The following WBP1L variants were observed in gnomAD, a reference collection of about 807,000 sequenced individuals.
WBP1L encodes WW domain binding protein 1 like.
Under a neutral mutation model 33.7 loss-of-function variants are expected in WBP1L, and 17 were observed. The observed-to-expected ratio is 0.50, with a 90% CI of 0.34 to 0.76. The LOEUF (loss-of-function observed/expected upper bound fraction) is 0.76, where lower values mean the gene tolerates loss of function less well. Among genes scored for constraint, WBP1L ranks in the 30% least tolerant of loss-of-function variants. The pLI is 0.01. For synonymous variants in WBP1L, 173 were observed against 190.8 expected (o/e 0.91, Z 0.77); for missense variants, 389 against 469.4 (o/e 0.83, Z 1.58).
chr10:102,773,677 CAA>C (rs1843219476), intron 1 of WBP1L, among the ~76,000 whole-genome samples: 1 of 151,622 alleles, frequency 6.6e-6, no homozygotes. Context: ...CACTTGAGGA[CAA>C]GAGTTCAAGC....
intron 1 of WBP1L, chr10:102,776,212 G>C: frequency 6.7e-7 from 1 of 1,501,894 alleles, no homozygotes; most frequent in Non-Finnish European, 8.9e-7. Context: ...AGCGAGGAGA[G>C]CAGGAGACAG....
chr10:102,813,299 C>T lies in WBP1L; in HGVS notation c.1060C>T (p.Pro354Ser), dbSNP rs748039085. ...GAACACCATCAACGAGCAGGACTCT[C>T]CCAACTCCCAGAGCAGCAGCTCCCC... ...LLNTINEQDS[P>S]NSQSSSSPS Residue 354 changes from proline (P) to serine (S), a missense_variant, in exon 4 of 4, where the codon CCC (proline) becomes TCC (serine). Physicochemically the swap from Pro to Ser is moderately conservative, Grantham distance 74 (BLOSUM62 -1). Coordinates refer to ENST00000448841, the MANE Select transcript of WBP1L (RefSeq NM_001083913.2). 9 of 1,611,278 alleles carry T rather than the reference C, an allele frequency of 5.6e-6. No homozygotes were observed. In the South Asian group the frequency reaches 8.8e-5, roughly 16 times the overall value.
At chr10:102,792,651 A>G (rs1448151659) in intron 1 of WBP1L, among the ~76,000 whole-genome samples, 1 of 139,682 alleles carries the variant, frequency 7.2e-6, no homozygotes, top group African/African-American at 2.7e-5. Context: ...CTGGCGTGCA[A>G]TGGTGCGATC....
chr10:102,810,727 C>T (rs1245611382), intron 3 of WBP1L, among the ~76,000 whole-genome samples: 1 of 151,776 alleles, frequency 6.6e-6, no homozygotes, highest in Non-Finnish European at 1.5e-5. Context: ...CCACCACACC[C>T]AGCTAATTTT....
chr10:102,811,605 G>T (rs928771193), intron 3 of WBP1L, among the ~76,000 whole-genome samples: 1 of 152,126 alleles, frequency 6.6e-6, no homozygotes, highest in African/African-American at 2.4e-5. Flanking sequence ...CCTCCTCTGG[G>T]GTTCAAGTGA....
At chr10:102,812,408 C>G (rs1843856208) in intron 3 of WBP1L, among the ~76,000 whole-genome samples, 187 bp from the exon 4 acceptor site, 1 of 152,196 alleles carries the variant, frequency 6.6e-6, no homozygotes, top group Non-Finnish European at 1.5e-5. Context: ...CCTTCCCAAA[C>G]TGCCCCTCTC....
At chr10:102,766,823 C>T (rs1453704924) in intron 1 of WBP1L, among the ~76,000 whole-genome samples, 2 of 85,710 alleles carry the variant, frequency 2.3e-5, no homozygotes, top group African/African-American at 4.8e-5. Flanking sequence ...CAGAGCGAGA[C>T]TCTGTCTCAA....
intron 2 of WBP1L, among the ~76,000 whole-genome samples, chr10:102,802,685 G>A (rs1843674830): frequency 6.6e-6 from 1 of 151,966 alleles, no homozygotes. Context: ...TAGTAGAGAT[G>A]GGGTTTCACC....
At chr10:102,809,209 C>G (rs1164579035) in intron 2 of WBP1L, among the ~76,000 whole-genome samples, 2 of 152,112 alleles carry the variant, frequency 1.3e-5, no homozygotes, top group African/African-American at 4.8e-5. Flanking sequence ...TCCTGAGTAG[C>G]TGGGATTATA....
intron 1 of WBP1L, chr10:102,744,599 C>A: frequency 1.6e-6 from 1 of 619,904 alleles, no homozygotes; most frequent in Non-Finnish European, 2.0e-6. Flanking sequence ...GTTCCGAGGG[C>A]ATCTTAGTAC....
intron 1 of WBP1L, among the ~76,000 whole-genome samples, chr10:102,773,394 ATC>A (rs1843217097): frequency 6.6e-6 from 1 of 152,220 alleles, no homozygotes; most frequent in African/African-American, 2.4e-5. Context: ...AGAATTTATA[ATC>A]TGTGAGAAGA....
At chr10:102,766,150 A>C (rs1843105070) in intron 1 of WBP1L, among the ~76,000 whole-genome samples, 1 of 152,082 alleles carries the variant, frequency 6.6e-6, no homozygotes, top group Non-Finnish European at 1.5e-5. Flanking sequence ...GATTAAAAAA[A>C]ATTAGCCAGG....
At position 102,815,788 on chromosome 10, in the gene WBP1L, A is replaced by C. The variant is rs1843931974; in HGVS notation, c.*2457A>C. ...CTGAGCCTCTCAAGTTCCTTTCCCCAGTTAGAGTGGGGAACTGGGCAAGTG... is the reference window on the plus strand; with the variant it reads ...CTGAGCCTCTCAAGTTCCTTTCCCCCGTTAGAGTGGGGAACTGGGCAAGTG... On this transcript the variant is annotated 3_prime_UTR_variant, in exon 4 of 4. Coordinates refer to ENST00000448841, the MANE Select transcript of WBP1L (RefSeq NM_001083913.2). The C allele has an allele frequency of 6.6e-6, 1 of 152,210 alleles. No homozygotes were observed. The highest frequency in any genetic ancestry group is 2.4e-5 in the African/African-American group (1 of 41,440). The allele number at this position is 152,210 out of a possible 1,614,324, so 9.4% of individuals were successfully genotyped here.
At chr10:102,770,402 A>G (rs1843172271) in intron 1 of WBP1L, among the ~76,000 whole-genome samples, 2 of 152,230 alleles carry the variant, frequency 1.3e-5, no homozygotes, top group African/African-American at 4.8e-5. Flanking sequence ...CCTGGAGATT[A>G]TCTCCTACCC....
chr10:102,766,548 C>T (rs548390940), intron 1 of WBP1L, among the ~76,000 whole-genome samples: 23 of 150,734 alleles, frequency 1.5e-4, no homozygotes, highest in African/African-American at 4.6e-4. Context: ...CTTGTGCCTG[C>T]GAGGTTGGAG....
Position 102,744,021 on chromosome 10 carries a change from G to T in WBP1L, c.-33G>T. On this transcript the variant is annotated 5_prime_UTR_variant, in exon 1 of 4. Transcript: ENST00000448841. Reference sequence around the variant, plus strand: ...AGGGAGGAGGAGGAGGGAGGTGGCGGCGCCGTGGCGGAGGAGCAGGAGCAG... The same window carrying T: ...AGGGAGGAGGAGGAGGGAGGTGGCGTCGCCGTGGCGGAGGAGCAGGAGCAG... 1 of 1,498,856 alleles carries T rather than the reference G, an allele frequency of 6.7e-7. No homozygotes were observed. Among genetic ancestry groups the T allele is most frequent in the Non-Finnish European group, 9.1e-7 (1 of 1,102,828 alleles). 92.8% of individuals were successfully genotyped at this position (1,498,856 alleles called of 1,614,324 possible).
At chr10:102,805,814 C>T (rs1356192680) in intron 2 of WBP1L, among the ~76,000 whole-genome samples, 2 of 151,926 alleles carry the variant, frequency 1.3e-5, no homozygotes, top group Non-Finnish European at 2.9e-5. Flanking sequence ...GGGAGGATCA[C>T]CTGAGCCCAG....
rs751075397 is a variant in WBP1L at position 102,812,813 on chromosome 10, C to T, written c.574C>T (p.Pro192Ser). The T allele has an allele frequency of 6.9e-6, 11 of 1,598,560 alleles. No individual in the cohort carries two copies. The South Asian group carries it at 1.0e-4, about 15-fold the overall frequency. Reference protein sequence around the residue: ...LSEPSRSSTRPPSIADPDPSD... With the variant: ...LSEPSRSSTRSPSIADPDPSD... ...TGAGCCCAGCAGAAGCAGCACAAGA[C>T]CCCCAAGCATCGCTGACCCTGATCC... Residue 192 changes from proline (P) to serine (S), a missense_variant, in exon 4 of 4, where the codon CCC becomes TCC. Coordinates refer to ENST00000448841, the MANE Select transcript of WBP1L (RefSeq NM_001083913.2).
intron 1 of WBP1L, among the ~76,000 whole-genome samples, chr10:102,777,189 C>G (rs1843276371): frequency 6.6e-6 from 1 of 152,166 alleles, no homozygotes; most frequent in Admixed American, 6.6e-5. Context: ...CCCCCACCCC[C>G]TCTTCGTCTG....
Sources: allele counts gnomAD v4.1 joint callset (sites outside exome capture counted in the v4.1 genomes callset), GRCh38; gene constraint gnomAD v4.1.1; transcripts MANE v1.5; gene names NCBI Gene and HGNC (gene_info 2026-07-23, HGNC 2026-07-21).